Variants in MSRA observed in about 807,000 individuals in gnomAD.
The protein encoded by MSRA is mitochondrial peptide methionine sulfoxide reductase.
In MSRA, 54 loss-of-function variants were observed where a neutral mutation model predicts 31.3. The observed-to-expected ratio is 1.73, with a 90% confidence interval of 1.39 to 2.17. The LOEUF is 2.17. MSRA is among the 30% of genes most tolerant of loss of function. The pLI is 0.00. For synonymous variants in MSRA, 169 were observed against 116.5 expected (o/e 1.45, Z -2.90); for missense variants, 507 against 300.9 (o/e 1.69, Z -5.07).
chr8:10,378,141 G>C (rs1017375701), intron 5 of MSRA, among the ~76,000 whole-genome samples: 2 of 152,228 alleles, frequency 1.3e-5, no homozygotes, highest in African/African-American at 4.8e-5. Context: ...CTGTGGATGG[G>C]GATCAGGGAC....
At chr8:10,067,196 C>T (rs1797497820) in intron 1 of MSRA, among the ~76,000 whole-genome samples, 1 of 152,156 alleles carries the variant, frequency 6.6e-6, no homozygotes, top group African/African-American at 2.4e-5. Flanking sequence ...CCAAGAACCC[C>T]TTGCAACCAC....
At chr8:10,420,259 G>A (rs943419911) in intron 5 of MSRA, among the ~76,000 whole-genome samples, 2 of 151,984 alleles carry the variant, frequency 1.3e-5, no homozygotes, top group African/African-American at 4.8e-5. Context: ...GCAGAATGGG[G>A]GTTGCCCGGG....
intron 5 of MSRA, among the ~76,000 whole-genome samples, chr8:10,327,922 C>A (rs1281141760): frequency 6.6e-6 from 1 of 150,606 alleles, no homozygotes; most frequent in Non-Finnish European, 1.5e-5. Flanking sequence ...TCCGTCTCAA[C>A]AACTAGAACA....
chr8:10,284,283 G>C (rs544310261), intron 3 of MSRA, among the ~76,000 whole-genome samples: 2 of 152,210 alleles, frequency 1.3e-5, no homozygotes, highest in East Asian at 3.9e-4. Flanking sequence ...CCACCTCCCA[G>C]GTTCAAGCAA....
chr8:10,336,910 A>G (rs1423518657), intron 5 of MSRA: 2 of 152,242 alleles, frequency 1.3e-5, no homozygotes, highest in African/African-American at 4.8e-5. Flanking sequence ...AGACAGGCAT[A>G]GAAATTCTAA....
At chr8:10,337,846 G>A in intron 5 of MSRA, 3 of 701,714 alleles carry the variant, frequency 4.3e-6, no homozygotes, top group Non-Finnish European at 7.8e-6. Flanking sequence ...CCTTCTTTCT[G>A]CTAAATCAGT....
chr8:10,178,574 CAT>C (rs1806267911), intron 1 of MSRA, among the ~76,000 whole-genome samples: 1 of 152,148 alleles, frequency 6.6e-6, no homozygotes, highest in South Asian at 2.1e-4. Flanking sequence ...ATATAATAGA[CAT>C]ATTTTTGTGT....
intron 1 of MSRA, among the ~76,000 whole-genome samples, chr8:10,203,493 A>C (rs1352761061): frequency 6.6e-6 from 1 of 152,212 alleles, no homozygotes. Flanking sequence ...GTGGAACTGA[A>C]AGATTTTTAT....
chr8:10,342,713 A>G (rs1232714858), intron 5 of MSRA, among the ~76,000 whole-genome samples: 1 of 152,124 alleles, frequency 6.6e-6, no homozygotes, highest in Non-Finnish European at 1.5e-5. Flanking sequence ...AGCCCCAAAG[A>G]GGTAAAGCAA....
Position 10,327,738 on chromosome 8 carries a change from C to A in MSRA, c.543+7749C>A, listed in dbSNP as rs554638435. Among the ~76,000 whole-genome samples the A allele has an allele frequency of 9.5e-4, 145 of 152,300 alleles. 1 individual carries two copies. The highest frequency in any genetic ancestry group is 3.5e-3 in the South Asian group (17 of 4,822). ...CATAAGGTCAGGAGATCGAGACTAT[C>A]CTGGCTAACAAGGTGAAACCCCGTC... is the stretch of plus-strand genomic sequence containing the variant. On this transcript the variant is annotated intron_variant, in intron 5 of 5. Transcript: ENST00000317173.
At chr8:10,098,865 G>A (rs953917838) in intron 1 of MSRA, among the ~76,000 whole-genome samples, 1 of 152,214 alleles carries the variant, frequency 6.6e-6, no homozygotes, top group Admixed American at 6.5e-5. Context: ...ATATGTCAAA[G>A]CAGGTGTAAT....
At chr8:10,283,310 G>C (rs1043542103) in intron 3 of MSRA, among the ~76,000 whole-genome samples, 8 of 152,104 alleles carry the variant, frequency 5.3e-5, no homozygotes, top group Non-Finnish European at 1.0e-4. Flanking sequence ...ATCATTTTTA[G>C]CTGCCTTCAG....
chr8:10,311,149 T>C (rs1261547377), intron 4 of MSRA, among the ~76,000 whole-genome samples: 1 of 152,186 alleles, frequency 6.6e-6, no homozygotes, highest in African/African-American at 2.4e-5. Context: ...AACTAGGATT[T>C]CTAGGTTCCA....
intron 1 of MSRA, among the ~76,000 whole-genome samples, chr8:10,174,712 G>A (rs1270078012): frequency 2.6e-5 from 4 of 152,054 alleles, no homozygotes; most frequent in Non-Finnish European, 4.4e-5. Context: ...CTGGTTAGAC[G>A]TGTCTACTGC....
At chr8:10,217,995 G>A (rs1219528952) in intron 2 of MSRA, among the ~76,000 whole-genome samples, 6 of 151,766 alleles carry the variant, frequency 4.0e-5, no homozygotes, top group South Asian at 2.1e-4. Context: ...AGTCTTGACC[G>A]AACGATCATG....
intron 2 of MSRA, among the ~76,000 whole-genome samples, chr8:10,211,454 T>TG (rs1167915853): frequency 2.0e-5 from 3 of 152,096 alleles, no homozygotes; most frequent in African/African-American, 7.2e-5. Context: ...TTGGTCCTCC[T>TG]TGGGGGCTTC....
At chr8:10,402,231 G>T (rs1277793555) in intron 5 of MSRA, among the ~76,000 whole-genome samples, 1 of 152,120 alleles carries the variant, frequency 6.6e-6, no homozygotes, top group East Asian at 1.9e-4. Context: ...TAAACATTTG[G>T]CTATGAAGGT....
chr8:10,356,455 C>A (rs1010507287), intron 5 of MSRA, among the ~76,000 whole-genome samples: 1 of 152,224 alleles, frequency 6.6e-6, no homozygotes, highest in Non-Finnish European at 1.5e-5. Flanking sequence ...TCACCCTTCC[C>A]AATTCTTGTA....
At chr8:10,193,188 C>T (rs1309511185) in intron 1 of MSRA, among the ~76,000 whole-genome samples, 1 of 152,210 alleles carries the variant, frequency 6.6e-6, no homozygotes, top group Admixed American at 6.5e-5. Flanking sequence ...TTCTACATTT[C>T]TAGAATTCTA....
Sources: allele counts gnomAD v4.1 joint callset (sites outside exome capture counted in the v4.1 genomes callset), GRCh38; gene constraint gnomAD v4.1.1; transcripts MANE v1.5; gene names NCBI Gene and HGNC (gene_info 2026-07-23, HGNC 2026-07-21).